The following NMI variants were observed in gnomAD, a reference collection of about 807,000 sequenced individuals.
NMI encodes N-myc and STAT interactor, also known as N-myc-interactor.
Under a neutral mutation model 34.3 loss-of-function variants are expected in NMI, and 39 were observed. The observed-to-expected ratio is 1.14, with a 90% CI of 0.88 to 1.49. The LOEUF (loss-of-function observed/expected upper bound fraction) is 1.49. Among genes scored for constraint, NMI ranks in the 40% most tolerant of loss-of-function variants. NMI has a pLI of 0.00. For missense variants in NMI, 339 were observed against 358.1 expected, an observed-to-expected ratio of 0.95 and a Z score of 0.43; for synonymous variants, 113 against 120.3, an observed-to-expected ratio of 0.94 and a Z score of 0.40.
intron 1 of NMI, among the ~76,000 whole-genome samples, chr2:151,283,350 C>T (rs2105210611): frequency 6.6e-6 from 1 of 152,174 alleles, no homozygotes; most frequent in South Asian, 2.1e-4. Context: ...CCATGTCGGT[C>T]AGGCTGGTCT....
chr2:151,288,374 A>G (rs1015662870), intron 1 of NMI, among the ~76,000 whole-genome samples: 1 of 152,176 alleles, frequency 6.6e-6, no homozygotes, highest in African/African-American at 2.4e-5. Flanking sequence ...CAGAGGCGCA[A>G]TGTTGCTGGC....
chr2:151,287,453 C>A (rs1005557750), intron 1 of NMI, among the ~76,000 whole-genome samples: 1 of 152,112 alleles, frequency 6.6e-6, no homozygotes, highest in Admixed American at 6.6e-5. Context: ...CTTTCCCGTC[C>A]TATTTAGTCA....
rs2105199777 is a variant in NMI at position 151,270,511 on chromosome 2, A to C, written c.*182T>G. The C allele has an allele frequency of 5.1e-6, 3 of 586,550 alleles. No homozygotes were observed. In the South Asian group the frequency reaches 7.0e-5, roughly 14 times the overall value. 36.3% of individuals were successfully genotyped at this position (586,550 alleles called of 1,614,324 possible). A position where few individuals can be genotyped will look rare whatever the true frequency, so the allele number is the denominator to read the frequency against. ...TATTACAGTGCACTTATTGTAGTTG[A>C]AAACATGCAGCACCATTTGAAACAA... On this transcript the variant is annotated 3_prime_UTR_variant, in exon 8 of 8. Transcript: ENST00000243346.
rs776112966 is a variant in NMI at position 151,282,020 on chromosome 2, C to A, written c.105G>T (p.Lys35Asn). ...QNKGLIDEIT[K>N]KNIQLKKEIQ... The stretch of plus-strand genomic sequence containing the variant: ...TCTCCTTCTTTAGTTGAATATTTTT[C>A]TTTGTAATTTCATCAATTAGTCCCT... Residue 35 changes from lysine (K) to asparagine (N), a missense_variant, in exon 3 of 8, where the codon AAG (lysine) becomes AAT (asparagine). By Grantham distance (94) the Lys-to-Asn change is moderately conservative. Coordinates refer to ENST00000243346, the MANE Select transcript of NMI (RefSeq NM_004688.3). 24 of 1,511,702 alleles carry A rather than the reference C, an allele frequency of 1.6e-5. No homozygotes were observed. Among genetic ancestry groups the A allele is most frequent in the Non-Finnish European group, 2.2e-5 (24 of 1,091,096 alleles). 93.6% of individuals were successfully genotyped at this position (1,511,702 alleles called of 1,614,324 possible).
At position 151,282,897 on chromosome 2, in the gene NMI, C is replaced by A; in HGVS notation, c.52G>T (p.Asp18Tyr). 6.5e-7 allele frequency: 1 copy of A among 1,528,802 alleles called. No individual in the cohort carries two copies. Among genetic ancestry groups the A allele is most frequent in the Non-Finnish European group, 8.8e-7 (1 of 1,130,710 alleles). The allele number at this position is 1,528,802 out of a possible 1,614,324, so 94.7% of individuals were successfully genotyped here. Residue 18 changes from aspartate to tyrosine, a missense_variant, in exon 2 of 8, where the codon GAT becomes TAT. Physicochemically the swap from Asp to Tyr is radical, Grantham distance 160. Coordinates refer to ENST00000243346, the MANE Select transcript of NMI (RefSeq NM_004688.3). The part of the protein sequence containing the change: ...TQQILKEHSP[D>Y]EFIKDEQNKG... ...TTTTGTTCATCTTTTATAAATTCAT[C>A]TGGCGAATGCTCCTTAAGAATTTGT...
At position 151,278,992 on chromosome 2, in the gene NMI, T is replaced by C; in HGVS notation, c.178-2A>G. 1.3e-6 allele frequency: 2 copies of C among 1,569,204 alleles called. No homozygotes were observed. The highest frequency in any genetic ancestry group is 1.7e-6 in the Non-Finnish European group (2 of 1,145,356). ...TGTTTCAGGAATATCCTCTTTAATC[T>C]AATCCAAATGAAAATGTTTGATTAA... On this transcript the variant is annotated splice_acceptor_variant, in intron 3 of 7. Coordinates refer to ENST00000243346, the MANE Select transcript of NMI (RefSeq NM_004688.3). LOFTEE classifies it high-confidence loss of function.
chr2:151,270,816 C>A lies in NMI; in HGVS notation c.801G>T (p.Met267Ile). The A allele has an allele frequency of 6.2e-7, 1 of 1,613,888 alleles. No homozygotes were observed. Among genetic ancestry groups the A allele is most frequent in the Non-Finnish European group, 8.5e-7 (1 of 1,179,842 alleles). ...VLLTGMEGIQ[M>I]DEEIVEDLIN... ...TTAAATCCTCCACAATTTCTTCATC[C>A]ATTTGAATGCCTTCCATTCCTGTCA... Residue 267 changes from methionine to isoleucine, a missense_variant, in exon 8 of 8, where the codon ATG (methionine) becomes ATT (isoleucine). Coordinates refer to ENST00000243346, the MANE Select transcript of NMI (RefSeq NM_004688.3).
chr2:151,274,002 C>G (rs189216758), intron 6 of NMI, among the ~76,000 whole-genome samples: 98 of 152,224 alleles, frequency 6.4e-4, no homozygotes, highest in African/African-American at 2.3e-3. Flanking sequence ...CTCTCCCTGA[C>G]ACATCCCACC....
chr2:151,270,953 T>A, intron 7 of NMI, 78 bp from the exon 8 acceptor site: 2 of 1,080,088 alleles, frequency 1.9e-6, no homozygotes, highest in Non-Finnish European at 2.7e-6. Flanking sequence ...AATCTCTGCT[T>A]AATATTTTTT....
At chr2:151,274,030 A>G (rs946112570) in intron 6 of NMI, among the ~76,000 whole-genome samples, 2 of 152,002 alleles carry the variant, frequency 1.3e-5, no homozygotes, top group Non-Finnish European at 2.9e-5. Flanking sequence ...CCTAAACATC[A>G]TCCAAAAGCT....
intron 1 of NMI, among the ~76,000 whole-genome samples, chr2:151,289,346 T>G (rs929222236): frequency 5.3e-5 from 8 of 150,858 alleles, no homozygotes; most frequent in Admixed American, 2.0e-4. Context: ...AGCAAACAAG[T>G]GACAAGGCTC....
Position 151,275,750 on chromosome 2 carries a change from C to T in NMI, c.447+8G>A. ...CAGAAATCCAAAAAATTTTAATCAT[C>T]CTGTTACCTGGAATCTGACTCCTGA... is the stretch of plus-strand genomic sequence containing the variant. On this transcript the variant is annotated splice_region_variant and intron_variant, in intron 5 of 7. Transcript: ENST00000243346. 1.2e-6 allele frequency: 2 copies of T among 1,611,006 alleles called. No individual in the cohort carries two copies. Among genetic ancestry groups the T allele is most frequent in the Non-Finnish European group, 1.7e-6 (2 of 1,177,398 alleles).
intron 6 of NMI, among the ~76,000 whole-genome samples, chr2:151,273,073 G>T (rs1436936013): frequency 8.0e-5 from 12 of 150,450 alleles, no homozygotes; most frequent in African/African-American, 2.7e-4. Flanking sequence ...TTTAAAAATT[G>T]TTAAAATGGT....
chr2:151,270,956 T>C lies in NMI; in HGVS notation c.742-81A>G, dbSNP rs1683175358. 4.8e-5 allele frequency: 51 copies of C among 1,061,272 alleles called. 6 individuals are homozygous for C. The South Asian group carries it at 7.1e-4, about 15-fold the overall frequency. The allele number at this position is 1,061,272 out of a possible 1,614,324, so 65.7% of individuals were successfully genotyped here. A position where few individuals can be genotyped will look rare whatever the true frequency, so the allele number is the denominator to read the frequency against. Reference sequence around the variant, plus strand: ...CTTTACATTCATAATCTCTGCTTAATATTTTTTATTTTATCTTAGAAGAGA... The same window carrying C: ...CTTTACATTCATAATCTCTGCTTAACATTTTTTATTTTATCTTAGAAGAGA... On this transcript the variant is annotated intron_variant, in intron 7 of 7. Transcript: ENST00000243346.
intron 1 of NMI, chr2:151,288,931 A>G (rs1320701582): frequency 6.6e-6 from 1 of 152,314 alleles, no homozygotes; most frequent in African/African-American, 2.4e-5. Flanking sequence ...CCTAAGGACT[A>G]TCTCCAGAGA....
In NMI at chr2:151,270,741, C is replaced by A. The variant is rs1005625026; in HGVS notation, c.876G>T (p.Val292=). ...RAKNGGGEVD[V]VKCSLGQPHI... ...GAGGTTGACCTAGAGAACACTTGAC[C>A]ACATCTACTTCTCCACCTCCATTCT... Residue 292 remains valine (V), a synonymous_variant, in exon 8 of 8, where the codon GTG becomes GTT. Coordinates refer to ENST00000243346, the MANE Select transcript of NMI (RefSeq NM_004688.3). 2 of 1,613,898 alleles carry A rather than the reference C, an allele frequency of 1.2e-6. No homozygotes were observed. The highest frequency in any genetic ancestry group is 1.7e-6 in the Non-Finnish European group (2 of 1,179,914).
intron 6 of NMI, among the ~76,000 whole-genome samples, chr2:151,274,670 G>C (rs1359953110): frequency 6.6e-6 from 1 of 151,452 alleles, no homozygotes; most frequent in Non-Finnish European, 1.5e-5. Context: ...TAGAGACGGG[G>C]TTTCACCATG....
At chr2:151,274,478 C>CTTTTTTTTTTTTTTTTTT (rs754607240) in intron 6 of NMI, among the ~76,000 whole-genome samples, 1 of 125,676 alleles carries the variant, frequency 8.0e-6, no homozygotes. Context: ...GGAAATGTCT[C>CTTTTTTTTTTTTTTTTTT]TTTTTGTTTT....
chr2:151,281,752 T>C (rs1683409269), intron 3 of NMI, among the ~76,000 whole-genome samples, 196 bp downstream of exon 3: 1 of 152,260 alleles, frequency 6.6e-6, no homozygotes, highest in Admixed American at 6.5e-5. Context: ...TTTTCTATCA[T>C]ATGACTATAC....
Sources: gnomAD v4.1 joint callset for allele counts (sites outside exome capture counted in the v4.1 genomes callset) on GRCh38, gnomAD v4.1.1 for gene constraint, MANE v1.5 for transcripts, NCBI Gene and HGNC (gene_info 2026-07-23, HGNC 2026-07-21) for gene names.